Variants in SUB1 observed in about 807,000 individuals in gnomAD.
SUB1 encodes the protein activated RNA polymerase II transcriptional coactivator p15.
Under a neutral mutation model 16.9 loss-of-function variants are expected in SUB1, and 1 was observed. That is an observed-to-expected ratio of 0.06 (90% CI 0.02 to 0.28). SUB1 has a LOEUF of 0.28. Among genes scored for constraint, SUB1 ranks in the 10% least tolerant of loss-of-function variants. The probability of loss-of-function intolerance (pLI) is 1.00; values close to 1 mark genes in which losing one functional copy is unlikely to be tolerated. For synonymous variants in SUB1, 51 were observed against 46.9 expected (o/e 1.09, Z -0.36); for missense variants, 84 against 145.2 (o/e 0.58, Z 2.16).
In SUB1 at chr5:32,601,745, A is replaced by C. The variant is rs2111691567; in HGVS notation, c.*661A>C. On this transcript the variant is annotated 3_prime_UTR_variant, in exon 5 of 5. Transcript: ENST00000265073. ...ACTGTATTCAATATTAGCAGATCTA[A>C]TTTGATAAACAACATGGCTTGTGTG... 6.5e-6 allele frequency: 1 copy of C among 154,114 alleles called. No homozygotes were observed. Among genetic ancestry groups the C allele is most frequent in the Non-Finnish European group, 1.4e-5 (1 of 69,246 alleles). 9.5% of individuals were successfully genotyped at this position (154,114 alleles called of 1,614,324 possible).
intron 1 of SUB1, among the ~76,000 whole-genome samples, chr5:32,587,667 A>G (rs978993062): frequency 4.6e-5 from 7 of 151,598 alleles, no homozygotes; most frequent in Middle Eastern, 3.2e-3. Flanking sequence ...CCGGAGTGCA[A>G]TGATGTGACC....
chr5:32,591,510 C>T (rs970130565), intron 2 of SUB1, 53 bp from the exon 3 acceptor site: 14 of 1,529,278 alleles, frequency 9.2e-6, no homozygotes, highest in Non-Finnish European at 1.1e-5. Flanking sequence ...TCTTTTGACA[C>T]TGGGGTATGT....
chr5:32,586,360 C>G (rs890299558), intron 1 of SUB1: 11 of 152,220 alleles, frequency 7.2e-5, no homozygotes, highest in African/African-American at 2.7e-4. Context: ...TGATCTTTCC[C>G]TCAATCAGCA....
chr5:32,599,840 A>C (rs929115124), intron 4 of SUB1, among the ~76,000 whole-genome samples: 6 of 151,426 alleles, frequency 4.0e-5, no homozygotes, highest in African/African-American at 1.5e-4. Flanking sequence ...TTTCAATTTC[A>C]TGGCCTTCCA....
At chr5:32,592,237 A>G (rs193249166) in intron 3 of SUB1, among the ~76,000 whole-genome samples, 2 of 152,358 alleles carry the variant, frequency 1.3e-5, no homozygotes, top group Admixed American at 6.5e-5. Flanking sequence ...AGAACTGCAC[A>G]TTTTGAAAGC....
chr5:32,594,526 C>A, intron 3 of SUB1: 1 of 439,464 alleles, frequency 2.3e-6, no homozygotes, highest in Non-Finnish European at 4.6e-6. Context: ...GGCAGGAGTC[C>A]ATAGAATTGT....
chr5:32,595,345 C>T (rs1738932891), intron 3 of SUB1: 1 of 152,172 alleles, frequency 6.6e-6, no homozygotes, highest in South Asian at 2.1e-4. Flanking sequence ...ACAGTCATTG[C>T]TCATGTCCTA....
chr5:32,595,901 A>C (rs948308886), intron 3 of SUB1: 1 of 152,068 alleles, frequency 6.6e-6, no homozygotes, highest in East Asian at 1.9e-4. Flanking sequence ...CCTCATGTAC[A>C]TGTCTTAATT....
intron 2 of SUB1, among the ~76,000 whole-genome samples, chr5:32,590,787 A>G (rs1418540791): frequency 0.013 from 51 of 3,806 alleles, no homozygotes; most frequent in Middle Eastern, 0.12. Flanking sequence ...TTTTTTTTTG[A>G]GATGGAGTAT....
At chr5:32,599,273 C>G (rs1739057158) in intron 4 of SUB1, among the ~76,000 whole-genome samples, 1 of 152,084 alleles carries the variant, frequency 6.6e-6, no homozygotes, top group East Asian at 1.9e-4. Context: ...GAATAAAACC[C>G]AGAAAAGTAA....
intron 1 of SUB1, among the ~76,000 whole-genome samples, chr5:32,586,986 A>G (rs1738688536): frequency 6.6e-6 from 1 of 152,128 alleles, no homozygotes; most frequent in East Asian, 1.9e-4. Flanking sequence ...GAGCTAGATT[A>G]TTTATGATTT....
intron 1 of SUB1, 79 bp downstream of exon 1, chr5:32,585,704 C>G (rs1738637138): frequency 6.6e-6 from 1 of 152,418 alleles, no homozygotes; most frequent in Non-Finnish European, 1.5e-5. Flanking sequence ...CTTCGGCCCT[C>G]CACTCCTCTC....
intron 1 of SUB1, chr5:32,586,123 C>G (rs1579506692): frequency 6.6e-6 from 1 of 152,256 alleles, no homozygotes. Flanking sequence ...GAAAATGGCG[C>G]TTGGTGCAAA....
At chr5:32,596,044 A>T (rs112851250) in intron 3 of SUB1, 3 of 152,078 alleles carry the variant, frequency 2.0e-5, no homozygotes, top group African/African-American at 7.2e-5. Context: ...TATAATTAAT[A>T]TTTTTTTTAG....
At chr5:32,586,713 G>A (rs1579507354) in intron 1 of SUB1, among the ~76,000 whole-genome samples, 4 of 152,226 alleles carry the variant, frequency 2.6e-5, no homozygotes, top group East Asian at 3.9e-4. Flanking sequence ...ATATCTTTTT[G>A]TCGTATTAAT....
intron 1 of SUB1, 30 bp from the exon 2 acceptor site, chr5:32,588,482 A>C (rs199606336): frequency 5.0e-6 from 8 of 1,593,382 alleles, no homozygotes; most frequent in Non-Finnish European, 6.9e-6. Context: ...GTACCTTATT[A>C]ATTATTTTTG....
intron 4 of SUB1, 44 bp from the exon 5 acceptor site, chr5:32,600,961 G>T (rs561335325): frequency 6.5e-7 from 1 of 1,549,704 alleles, no homozygotes; most frequent in South Asian, 1.1e-5. Flanking sequence ...AATCCTCAAC[G>T]CTTAAATAGA....
intron 3 of SUB1, chr5:32,594,552 T>C: frequency 2.2e-6 from 1 of 449,830 alleles, no homozygotes; most frequent in Non-Finnish European, 4.5e-6. Flanking sequence ...AATTTGAGTT[T>C]TCTTTTTTGT....
Position 32,602,032 on chromosome 5 carries a change from A to G in SUB1, c.*948A>G, listed in dbSNP as rs1481212843. ...AGAGATGTCATTAAGCTTTACTGTT[A>G]TAGTAGGTAATATGGTTAGTTTGTA... On this transcript the variant is annotated 3_prime_UTR_variant, in exon 5 of 5. Coordinates refer to ENST00000265073, the MANE Select transcript of SUB1 (RefSeq NM_006713.4). 1.2e-5 allele frequency: 3 copies of G among 242,324 alleles called. No individual in the cohort carries two copies. The highest frequency in any genetic ancestry group is 4.6e-5 in the African/African-American group (2 of 43,912). The allele number at this position is 242,324 out of a possible 1,614,324, so 15.0% of individuals were successfully genotyped here.
Sources: gnomAD v4.1 joint callset for allele counts (sites outside exome capture counted in the v4.1 genomes callset) on GRCh38, gnomAD v4.1.1 for gene constraint, MANE v1.5 for transcripts, NCBI Gene and HGNC (gene_info 2026-07-23, HGNC 2026-07-21) for gene names.